MTMR9: variants seen among roughly 807,000 people sequenced by gnomAD.
The protein encoded by MTMR9 is myotubularin related protein 9, also known as myotubularin-related protein 9.
A neutral mutation model predicts 69.5 loss-of-function variants in MTMR9; 39 were observed. The ratio of observed to expected loss-of-function variants is 0.56; its 90% CI spans 0.43 to 0.73. MTMR9 has a LOEUF of 0.73. MTMR9 is among the 30% of genes least tolerant of loss of function. MTMR9 has a pLI of 0.00. For synonymous variants in MTMR9, 354 were observed against 240.8 expected, an observed-to-expected ratio of 1.47 and a Z score of -4.35; for missense variants, 900 against 671.2, an observed-to-expected ratio of 1.34 and a Z score of -3.77.
At chr8:11,290,071 C>T (rs7829352) in intron 1 of MTMR9, among the ~76,000 whole-genome samples, 73 of 152,266 alleles carry the variant, frequency 4.8e-4, no homozygotes, top group African/African-American at 1.8e-3. Flanking sequence ...CATTGCCTTC[C>T]CATGATGGTG....
intron 2 of MTMR9, 136 bp downstream of exon 2, chr8:11,295,438 C>G: frequency 3.1e-6 from 2 of 637,634 alleles, no homozygotes; most frequent in East Asian, 2.8e-5. Context: ...AAAGCCTCAC[C>G]CTGGTTCATC....
intron 3 of MTMR9, among the ~76,000 whole-genome samples, chr8:11,302,830 C>G (rs1379081622): frequency 2.0e-5 from 3 of 151,952 alleles, no homozygotes; most frequent in African/African-American, 7.3e-5. Flanking sequence ...ATAGGCATTT[C>G]TGTACACCAA....
chr8:11,319,048 T>A (rs530925191), intron 8 of MTMR9: 1 of 152,078 alleles, frequency 6.6e-6, no homozygotes, highest in Non-Finnish European at 1.5e-5. Flanking sequence ...AACTTACTCA[T>A]GTAACCAAAT....
At chr8:11,287,346 T>G (rs1799199591) in intron 1 of MTMR9, among the ~76,000 whole-genome samples, 1 of 152,138 alleles carries the variant, frequency 6.6e-6, no homozygotes, top group African/African-American at 2.4e-5. Context: ...CTTTTTACCT[T>G]GCATTTACAA....
Position 11,306,191 on chromosome 8 carries a change from T to A in MTMR9, c.593T>A (p.Val198Glu), listed in dbSNP as rs767413947. 1.2e-6 allele frequency: 2 copies of A among 1,612,222 alleles called. No homozygotes were observed. The highest frequency in any genetic ancestry group is 1.7e-6 in the Non-Finnish European group (2 of 1,179,752). Residue 198 changes from valine (V) to glutamate (E), a missense_variant and splice_region_variant, in exon 5 of 10, where the codon GTA becomes GAA. Physicochemically the swap from Val to Glu is moderately radical, Grantham distance 121. Transcript: ENST00000221086. ...TTTTCAGCTTTATTATGCTTCTAGG[T>A]AATTATGCGAAGTGGTCAGCCACTC... ...LSYYHKKNGM[V>E]IMRSGQPLTG...
In MTMR9 at chr8:11,314,915, C is replaced by G. The variant is rs780691771; in HGVS notation, c.972-8C>G. ...CCCATTTGTACTCTTCCCTGATTTTCCTATCAGGGAAGGAGCATCAATATT... is the reference window on the plus strand; with the variant it reads ...CCCATTTGTACTCTTCCCTGATTTTGCTATCAGGGAAGGAGCATCAATATT... On this transcript the variant is annotated splice_polypyrimidine_tract_variant and splice_region_variant and intron_variant, in intron 6 of 9. Coordinates refer to ENST00000221086, the MANE Select transcript of MTMR9 (RefSeq NM_015458.4). The G allele has an allele frequency of 1.2e-6, 2 of 1,612,016 alleles. No individual in the cohort carries two copies. Among genetic ancestry groups the G allele is most frequent in the African/African-American group, 1.3e-5 (1 of 74,862 alleles).
At chr8:11,313,815 C>T (rs1166027058) in intron 6 of MTMR9, among the ~76,000 whole-genome samples, 3 of 152,138 alleles carry the variant, frequency 2.0e-5, no homozygotes, top group African/African-American at 7.2e-5. Flanking sequence ...ATCACCATAG[C>T]AGTTGTAATA....
chr8:11,314,099 C>T (rs1173648733), intron 6 of MTMR9, among the ~76,000 whole-genome samples: 1 of 152,084 alleles, frequency 6.6e-6, no homozygotes, highest in Non-Finnish European at 1.5e-5. Context: ...GAGGAAATTG[C>T]CTCGTATTAA....
rs763417533 is a variant in MTMR9 at position 11,309,696 on chromosome 8, G to A, written c.971+8G>A. The stretch of plus-strand genomic sequence containing the variant: ...GGCTCAGTGCATCGACAGGTAAAGT[G>A]CATTTCAGCGTTCCTGAGCGAAACA... On this transcript the variant is annotated splice_region_variant and intron_variant, in intron 6 of 9. Coordinates refer to ENST00000221086, the MANE Select transcript of MTMR9 (RefSeq NM_015458.4). The A allele has an allele frequency of 1.9e-6, 3 of 1,612,482 alleles. No homozygotes were observed. Among genetic ancestry groups the A allele is most frequent in the Non-Finnish European group, 8.5e-7 (1 of 1,179,264 alleles).
At chr8:11,333,364 A>G in the MTMR9 span, among the ~76,000 whole-genome samples, 1 of 152,250 alleles carries the variant, frequency 6.6e-6, no homozygotes, top group Non-Finnish European at 1.5e-5. Context: ...TAAATGTTGA[A>G]AGAAAATAAC....
At chr8:11,334,685 T>C in the MTMR9 span, among the ~76,000 whole-genome samples, 2 of 152,064 alleles carry the variant, frequency 1.3e-5, no homozygotes, top group Non-Finnish European at 2.9e-5. Context: ...TTAAATGTAA[T>C]CACTTTTCAA....
intron 3 of MTMR9, 137 bp downstream of exon 3, chr8:11,300,285 G>T: frequency 1.1e-6 from 1 of 929,870 alleles, no homozygotes; most frequent in South Asian, 1.6e-5. Context: ...TATTTAAAAG[G>T]ATTGAAGCCA....
chr8:11,285,914 A>G (rs185849165), intron 1 of MTMR9, among the ~76,000 whole-genome samples: 1 of 149,320 alleles, frequency 6.7e-6, no homozygotes, highest in Admixed American at 6.6e-5. Context: ...CGTACAGAGG[A>G]TATGCCTTAA....
At chr8:11,298,094 G>A in intron 2 of MTMR9, 1 of 351,782 alleles carries the variant, frequency 2.8e-6, no homozygotes, top group Non-Finnish European at 5.7e-6. Flanking sequence ...CTAAATTGTA[G>A]CAATAAGTTA....
chr8:11,322,736 G>A lies in MTMR9; in HGVS notation c.1598G>A (p.Arg533Gln), dbSNP rs761554983. 6 of 1,613,912 alleles carry A rather than the reference G, an allele frequency of 3.7e-6. No homozygotes were observed. The highest frequency in any genetic ancestry group is 2.7e-5 in the African/African-American group (2 of 74,892). Residue 533 changes from arginine to glutamine, a missense_variant, in exon 10 of 10, where the codon CGA (arginine) becomes CAA (glutamine). Coordinates refer to ENST00000221086, the MANE Select transcript of MTMR9 (RefSeq NM_015458.4). ...TTACAAGCAAAAGTCAATATCCTTC[G>A]AAGGCAGTTGGCAGAACTGGAAACA... ...KELQAKVNIL[R>Q]RQLAELETED...
chr8:11,308,468 G>A (rs954579762), intron 5 of MTMR9, among the ~76,000 whole-genome samples: 8 of 152,182 alleles, frequency 5.3e-5, no homozygotes, highest in African/African-American at 1.2e-4. Flanking sequence ...CAGGTACTGC[G>A]TGAGGCCATC....
rs981368567 is a variant in MTMR9, at chr8:11,298,878, A to G, written c.292-1145A>G. 3.0e-6 allele frequency: 3 copies of G among 985,042 alleles called. No individual in the cohort carries two copies. In the African/African-American group the frequency reaches 5.2e-5, roughly 17 times the overall value. 61.0% of individuals were successfully genotyped at this position (985,042 alleles called of 1,614,324 possible). On this transcript the variant is annotated intron_variant, in intron 2 of 9. Transcript: ENST00000221086. ...TCCAGGATTCAAGTGCTCCAGGTAA[A>G]TATAGGCCCATTTGGGGCTGATAGA...
At chr8:11,328,815 A>T (rs1801063391), downstream of MTMR9, among the ~76,000 whole-genome samples, 1 of 152,248 alleles carries the variant, frequency 6.6e-6, no homozygotes, top group African/African-American at 2.4e-5. Context: ...CATCATTAGT[A>T]ATGGGACATA....
Position 11,316,705 on chromosome 8 carries a change from G to T in MTMR9, c.1146G>T (p.Gln382His). The T allele has an allele frequency of 6.2e-7, 1 of 1,612,550 alleles. No homozygotes were observed. The highest frequency in any genetic ancestry group is 8.5e-7 in the Non-Finnish European group (1 of 1,179,320). The change falls in exon 8 of 10, where the codon CAG (glutamine) becomes CAT (histidine). Residue 382 changes from glutamine (Q) to histidine (H), a missense_variant. Coordinates refer to ENST00000221086, the MANE Select transcript of MTMR9 (RefSeq NM_015458.4). ...ACCCATTCCAGCAGCGCTGTGCACA[G>T]TCAGCCTACTGTAACACCAAGCAGA... is the stretch of plus-strand genomic sequence containing the variant. ...AGHPFQQRCA[Q>H]SAYCNTKQKW...
Sources: allele counts gnomAD v4.1 joint callset (sites outside exome capture counted in the v4.1 genomes callset), GRCh38; gene constraint gnomAD v4.1.1; transcripts MANE v1.5; gene names NCBI Gene and HGNC (gene_info 2026-07-23, HGNC 2026-07-21).